The following RIT2 variants were observed in gnomAD, a reference collection of about 807,000 sequenced individuals.
RIT2 encodes the protein Ras like without CAAX 2, also known as GTP-binding protein Rit2.
Under a neutral mutation model 23.7 loss-of-function variants are expected in RIT2, and 24 were observed. That is an observed-to-expected ratio of 1.01 (90% CI 0.73 to 1.43). The LOEUF is 1.43. Among genes scored for constraint, RIT2 ranks in the 40% most tolerant of loss-of-function variants. RIT2 has a pLI of 0.00. For synonymous variants in RIT2, 107 were observed against 91.1 expected, an observed-to-expected ratio of 1.17 and a Z score of -0.99; for missense variants, 236 against 266.9, an observed-to-expected ratio of 0.88 and a Z score of 0.81.
At chr18:43,076,263 A>C (rs1913011038) in intron 1 of RIT2, among the ~76,000 whole-genome samples, 1 of 152,188 alleles carries the variant, frequency 6.6e-6, no homozygotes, top group Admixed American at 6.5e-5. Flanking sequence ...GAATGTGTTG[A>C]CCGATTTCTG....
chr18:42,887,141 T>A (rs529949351), intron 4 of RIT2, among the ~76,000 whole-genome samples: 1 of 152,264 alleles, frequency 6.6e-6, no homozygotes, highest in Admixed American at 6.5e-5. Flanking sequence ...TTAAGATAAA[T>A]CTTACCTAAA....
intron 1 of RIT2, among the ~76,000 whole-genome samples, chr18:43,061,650 C>A (rs546293404): frequency 6.6e-6 from 1 of 152,146 alleles, no homozygotes; most frequent in African/African-American, 2.4e-5. Context: ...ACCAATTGAA[C>A]GGTGCTTTTT....
At chr18:43,068,563 G>T (rs1328592725) in intron 1 of RIT2, among the ~76,000 whole-genome samples, 8 of 152,140 alleles carry the variant, frequency 5.3e-5, no homozygotes, top group African/African-American at 1.7e-4. Context: ...TGGGCATCAA[G>T]AACCTAGAGA....
intron 4 of RIT2, among the ~76,000 whole-genome samples, chr18:42,760,515 C>T (rs2143898855): frequency 6.6e-6 from 1 of 152,280 alleles, no homozygotes; most frequent in African/African-American, 2.4e-5. Context: ...TCCACAGAAG[C>T]AGCTGAGAAC....
At chr18:43,015,097 GAGA>G (rs1401423505) in intron 2 of RIT2, among the ~76,000 whole-genome samples, 4 of 151,760 alleles carry the variant, frequency 2.6e-5, no homozygotes, top group Non-Finnish European at 1.5e-5. Context: ...TAGATAGTAT[GAGA>G]AGTACTTATG....
At chr18:43,017,521 G>C (rs550449660) in intron 2 of RIT2, among the ~76,000 whole-genome samples, 3 of 151,956 alleles carry the variant, frequency 2.0e-5, no homozygotes, top group African/African-American at 4.8e-5. Flanking sequence ...CATCAAAGAT[G>C]GTTAACTAAA....
intron 1 of RIT2, among the ~76,000 whole-genome samples, chr18:43,102,121 C>T (rs1913698439): frequency 6.6e-6 from 1 of 152,130 alleles, no homozygotes; most frequent in African/African-American, 2.4e-5. Context: ...GAATCTAGTC[C>T]TATTTGAGAT....
intron 1 of RIT2, among the ~76,000 whole-genome samples, chr18:43,089,070 A>G (rs1913355651): frequency 1.3e-5 from 2 of 151,926 alleles, no homozygotes; most frequent in African/African-American, 2.4e-5. Flanking sequence ...CTTTCTCACC[A>G]CTCCTATTGA....
intron 3 of RIT2, among the ~76,000 whole-genome samples, chr18:42,951,171 G>T (rs574352373): frequency 5.3e-5 from 8 of 152,078 alleles, no homozygotes; most frequent in African/African-American, 1.9e-4. Flanking sequence ...ATCAACCTAG[G>T]TACCCATCAA....
intron 1 of RIT2, among the ~76,000 whole-genome samples, chr18:43,096,972 G>A (rs141784837): frequency 3.3e-5 from 5 of 151,812 alleles, no homozygotes. Flanking sequence ...TTAGAAAGAG[G>A]TGTGTCTTTG....
intron 1 of RIT2, among the ~76,000 whole-genome samples, chr18:43,086,812 C>T (rs1329924393): frequency 6.6e-6 from 1 of 152,086 alleles, no homozygotes; most frequent in Non-Finnish European, 1.5e-5. Context: ...TGGGCAAATG[C>T]CACACTAAAT....
chr18:42,831,790 C>T (rs1433586999), intron 4 of RIT2, among the ~76,000 whole-genome samples: 7 of 152,136 alleles, frequency 4.6e-5, no homozygotes, highest in Non-Finnish European at 1.0e-4. Context: ...TTGTCTCTCC[C>T]CCACTCCCTA....
chr18:42,924,831 G>A (rs145200075), intron 3 of RIT2, among the ~76,000 whole-genome samples: 2 of 151,992 alleles, frequency 1.3e-5, no homozygotes, highest in Admixed American at 6.6e-5. Flanking sequence ...TTTGATTTAC[G>A]CTAGCTTGAA....
chr18:42,846,296 T>C (rs1022427007), intron 4 of RIT2, among the ~76,000 whole-genome samples: 48 of 151,682 alleles, frequency 3.2e-4, no homozygotes, highest in Admixed American at 1.8e-3. Flanking sequence ...AAATAATACA[T>C]AAAAGCCACA....
intron 2 of RIT2, among the ~76,000 whole-genome samples, chr18:42,995,674 A>G (rs1361980578): frequency 1.3e-5 from 2 of 152,136 alleles, no homozygotes; most frequent in South Asian, 2.1e-4. Flanking sequence ...CCAACTTAAA[A>G]AGGACTGGAC....
At chr18:42,824,125 T>C (rs572314420) in intron 4 of RIT2, among the ~76,000 whole-genome samples, 32 of 152,306 alleles carry the variant, frequency 2.1e-4, no homozygotes, top group Middle Eastern at 3.4e-3. Context: ...CTAATGGTTC[T>C]AGATGCATGA....
At chr18:42,821,812 A>G (rs545294667) in intron 4 of RIT2, among the ~76,000 whole-genome samples, 1 of 152,282 alleles carries the variant, frequency 6.6e-6, no homozygotes, top group Non-Finnish European at 1.5e-5. Flanking sequence ...CTGTGATACA[A>G]AAGCATATAA....
chr18:43,075,022 C>T (rs916719441), intron 1 of RIT2, among the ~76,000 whole-genome samples: 2 of 151,952 alleles, frequency 1.3e-5, no homozygotes, highest in Admixed American at 1.3e-4. Flanking sequence ...AACAAACCTG[C>T]ACATCCTGCA....
intron 2 of RIT2, among the ~76,000 whole-genome samples, chr18:43,014,542 CT>C (rs1010661511): frequency 6.6e-6 from 1 of 151,492 alleles, no homozygotes. Flanking sequence ...ACTCTGGAGA[CT>C]TTTTTTCTAA....
Sources: allele counts gnomAD v4.1 joint callset (sites outside exome capture counted in the v4.1 genomes callset), GRCh38; gene constraint gnomAD v4.1.1; transcripts MANE v1.5; gene names NCBI Gene and HGNC (gene_info 2026-07-23, HGNC 2026-07-21).